The following SLC35F4 variants were observed in gnomAD, a reference collection of about 807,000 sequenced individuals.
SLC35F4 encodes the protein solute carrier family 35 member F4.
In SLC35F4, 24 loss-of-function variants were observed where a neutral mutation model predicts 44.2. The ratio of observed to expected loss-of-function variants is 0.54; its 90% CI spans 0.39 to 0.76. The LOEUF (loss-of-function observed/expected upper bound fraction) is 0.76. Ranked by LOEUF, SLC35F4 falls within the 30% of genes least tolerant of loss-of-function variation. SLC35F4 has a pLI of 0.00. For synonymous variants in SLC35F4, 238 were observed against 223.6 expected (o/e 1.06, Z -0.57); for missense variants, 562 against 586.1 (o/e 0.96, Z 0.42).
intron 1 of SLC35F4, among the ~76,000 whole-genome samples, chr14:57,927,496 CTT>C (rs201058689): frequency 1.8e-4 from 26 of 140,996 alleles, no homozygotes; most frequent in African/African-American, 6.0e-4. Context: ...TTTTCTTCTT[CTT>C]TTTTTTTTTT....
intron 1 of SLC35F4, among the ~76,000 whole-genome samples, chr14:57,791,586 T>C (rs1228479780): frequency 1.3e-5 from 2 of 152,122 alleles, no homozygotes; most frequent in South Asian, 2.1e-4. Flanking sequence ...TCCTCAAGGA[T>C]CTAGAACTAG....
chr14:57,958,305 G>A (rs540929927), intron 1 of SLC35F4, among the ~76,000 whole-genome samples: 8 of 152,084 alleles, frequency 5.3e-5, no homozygotes, highest in African/African-American at 1.4e-4. Context: ...TGATCTGCCC[G>A]CCTCAGCCTC....
intron 1 of SLC35F4, among the ~76,000 whole-genome samples, chr14:57,706,287 T>C (rs979989744): frequency 6.6e-6 from 1 of 152,222 alleles, no homozygotes; most frequent in Non-Finnish European, 1.5e-5. Context: ...TCTAGTCTTC[T>C]TAAAGTGAGA....
chr14:57,869,016 A>T (rs1049983088), upstream of SLC35F4, among the ~76,000 whole-genome samples: 5 of 152,334 alleles, frequency 3.3e-5, no homozygotes, highest in African/African-American at 1.2e-4. Flanking sequence ...TCGATTTGTT[A>T]TAAAACAAAA....
intron 1 of SLC35F4, among the ~76,000 whole-genome samples, chr14:57,726,424 G>T (rs2076204357): frequency 6.6e-6 from 1 of 152,198 alleles, no homozygotes; most frequent in Non-Finnish European, 1.5e-5. Context: ...AACAAGGACT[G>T]CAATTGTCAT....
intron 1 of SLC35F4, among the ~76,000 whole-genome samples, chr14:57,822,289 C>A (rs1883252425): frequency 6.6e-6 from 1 of 152,188 alleles, no homozygotes; most frequent in African/African-American, 2.4e-5. Context: ...TGGCACCTTT[C>A]CATCAATTAC....
intron 1 of SLC35F4, among the ~76,000 whole-genome samples, chr14:57,914,099 T>C (rs777693607): frequency 2.0e-5 from 3 of 152,198 alleles, no homozygotes; most frequent in South Asian, 2.1e-4. Flanking sequence ...TATGCTGCTA[T>C]GAGAGAATAC....
At chr14:57,566,013 T>G (rs1215776295) in intron 7 of SLC35F4, among the ~76,000 whole-genome samples, 2 of 152,208 alleles carry the variant, frequency 1.3e-5, no homozygotes, top group Non-Finnish European at 2.9e-5. Flanking sequence ...AAATTGCTTT[T>G]TCCTTATATC....
At chr14:57,937,129 G>A (rs1270587245) in intron 1 of SLC35F4, among the ~76,000 whole-genome samples, 4 of 150,348 alleles carry the variant, frequency 2.7e-5, no homozygotes, top group Admixed American at 6.6e-5. Flanking sequence ...GTGCAATGGC[G>A]CTATCTCGGC....
intron 1 of SLC35F4, among the ~76,000 whole-genome samples, chr14:57,786,566 G>A (rs2077766841): frequency 6.6e-6 from 1 of 152,144 alleles, no homozygotes; most frequent in South Asian, 2.1e-4. Flanking sequence ...TGGCTGGGAG[G>A]TCCATAGATG....
chr14:57,728,292 T>G (rs1216703295), intron 1 of SLC35F4, among the ~76,000 whole-genome samples: 1 of 152,162 alleles, frequency 6.6e-6, no homozygotes, highest in Non-Finnish European at 1.5e-5. Flanking sequence ...TGAATTGTGT[T>G]TCTTGTAGGC....
At chr14:57,922,244 A>G (rs1162681106) in intron 1 of SLC35F4, among the ~76,000 whole-genome samples, 1 of 152,172 alleles carries the variant, frequency 6.6e-6, no homozygotes, top group African/African-American at 2.4e-5. Flanking sequence ...AGAGGTTATT[A>G]AAAATGCAGG....
chr14:57,789,429 T>C (rs1337798628), intron 1 of SLC35F4, among the ~76,000 whole-genome samples: 2 of 152,000 alleles, frequency 1.3e-5, no homozygotes, highest in African/African-American at 2.4e-5. Flanking sequence ...ACATACACCC[T>C]CCCAAGACTA....
intron 1 of SLC35F4, among the ~76,000 whole-genome samples, chr14:57,656,499 T>C (rs2073978833): frequency 6.6e-6 from 1 of 152,034 alleles, no homozygotes; most frequent in Non-Finnish European, 1.5e-5. Context: ...GTAAAAATCC[T>C]CATGGCTTGT....
intron 1 of SLC35F4, chr14:57,630,743 G>T (rs1221892160): frequency 1.2e-5 from 6 of 519,264 alleles, no homozygotes; most frequent in Admixed American, 6.0e-5. Context: ...TTCATAGTTT[G>T]GTTTACCTAA....
intron 1 of SLC35F4, among the ~76,000 whole-genome samples, chr14:57,643,057 GATTA>G (rs1418134487): frequency 8.1e-6 from 1 of 123,954 alleles, no homozygotes; most frequent in Admixed American, 8.8e-5. Context: ...AAATCAGAAT[GATTA>G]ATCTAATTAG....
At chr14:57,934,252 C>T (rs1889754879) in intron 1 of SLC35F4, among the ~76,000 whole-genome samples, 1 of 150,670 alleles carries the variant, frequency 6.6e-6, no homozygotes, top group Non-Finnish European at 1.5e-5. Context: ...TCTTTTGTCC[C>T]CCATTAACTA....
chr14:57,863,763 G>A (rs559362204), intron 1 of SLC35F4, among the ~76,000 whole-genome samples: 2 of 152,290 alleles, frequency 1.3e-5, no homozygotes, highest in African/African-American at 2.4e-5. Context: ...CCGAAAGCAT[G>A]AGCATCCTGA....
chr14:57,616,073 T>A (rs1703457), intron 1 of SLC35F4, among the ~76,000 whole-genome samples: 103,260 of 152,126 alleles, frequency 0.68, 35,829 homozygotes, highest in Non-Finnish European at 0.75. Context: ...TGTACATAAC[T>A]TAAAATTTAT....
Sources: allele counts gnomAD v4.1 joint callset (sites outside exome capture counted in the v4.1 genomes callset), GRCh38; gene constraint gnomAD v4.1.1; transcripts MANE v1.5; gene names NCBI Gene and HGNC (gene_info 2026-07-23, HGNC 2026-07-21).